Variants in PCDH15 observed in about 807,000 individuals in gnomAD.
PCDH15 encodes the protein protocadherin-15.
PCDH15 carries 129 observed loss-of-function variants against 178.5 expected under a neutral mutation model. The observed-to-expected ratio is 0.72, with a 90% confidence interval of 0.63 to 0.84. The LOEUF (loss-of-function observed/expected upper bound fraction) is 0.84, where lower values mean the gene tolerates loss of function less well. PCDH15 is among the 40% of genes least tolerant of loss of function. PCDH15 has a pLI of 0.00. For missense variants in PCDH15, 2,230 were observed against 2,099.9 expected, an observed-to-expected ratio of 1.06 and a Z score of -1.21; for synonymous variants, 800 against 732.0, an observed-to-expected ratio of 1.09 and a Z score of -1.50.
intron 26 of PCDH15, among the ~76,000 whole-genome samples, chr10:53,899,381 T>C (rs1330785150): frequency 6.6e-6 from 1 of 152,202 alleles, no homozygotes; most frequent in Non-Finnish European, 1.5e-5. Flanking sequence ...GTTTTTATTG[T>C]GTCACTTTAC....
intron 1 of PCDH15, among the ~76,000 whole-genome samples, chr10:55,236,749 T>C (rs1037087760): frequency 6.6e-6 from 1 of 152,016 alleles, no homozygotes; most frequent in Non-Finnish European, 1.5e-5. Context: ...TGGAAAATAT[T>C]AGCTATAAGT....
chr10:53,974,517 T>A, intron 21 of PCDH15, among the ~76,000 whole-genome samples: 1 of 152,152 alleles, frequency 6.6e-6, no homozygotes, highest in Admixed American at 6.5e-5. Context: ...GTCATCATGC[T>A]CATATGTTTT....
intron 2 of PCDH15, among the ~76,000 whole-genome samples, chr10:54,573,791 G>A (rs1487449107): frequency 2.0e-5 from 3 of 152,136 alleles, no homozygotes; most frequent in African/African-American, 7.2e-5. Context: ...GAGGAAAACA[G>A]CGTCCTGTGA....
intron 18 of PCDH15, among the ~76,000 whole-genome samples, chr10:54,039,140 A>G (rs1324665376): frequency 1.3e-5 from 2 of 151,958 alleles, no homozygotes; most frequent in African/African-American, 4.8e-5. Context: ...ATATTTCAGA[A>G]AAACAAAAAA....
rs531007318 is a variant in PCDH15 at position 54,888,349 on chromosome 10, G to A, written c.-29+9101C>T. ...AGCCTGATTATTTTTAGATTTATCC[G>A]TGTGGTTAGGTATATCAATATTTCT... On this transcript the variant is annotated intron_variant, in intron 3 of 5. Transcript: ENST00000458638. 4.6e-5 allele frequency among the ~76,000 whole-genome samples: 7 copies of A among 151,926 alleles called. No individual in the cohort carries two copies. The South Asian group carries it at 6.2e-4, about 14-fold the overall frequency.
intron 29 of PCDH15, among the ~76,000 whole-genome samples, chr10:53,835,524 G>A (rs1255947604): frequency 6.9e-6 from 1 of 145,872 alleles, no homozygotes; most frequent in Non-Finnish European, 1.6e-5. Context: ...AAGTCACAAT[G>A]TGAGCAAAAA....
chr10:54,883,066 T>G (rs929264809), intron 3 of PCDH15, among the ~76,000 whole-genome samples: 2 of 147,746 alleles, frequency 1.4e-5, no homozygotes, highest in Non-Finnish European at 3.0e-5. Flanking sequence ...ATATTTTGTC[T>G]TCCCAAGTTG....
intron 25 of PCDH15, among the ~76,000 whole-genome samples, chr10:53,913,610 G>T: frequency 6.6e-6 from 1 of 151,786 alleles, no homozygotes; most frequent in East Asian, 1.9e-4. Context: ...TGGGCATTGT[G>T]GTGGGCGTCT....
intron 3 of PCDH15, among the ~76,000 whole-genome samples, chr10:54,406,076 T>C (rs1452371173): frequency 6.6e-6 from 1 of 152,068 alleles, no homozygotes; most frequent in East Asian, 1.9e-4. Context: ...AAACAGTTAT[T>C]GTATGGAACA....
intron 15 of PCDH15, among the ~76,000 whole-genome samples, chr10:54,105,030 G>C (rs966862962): frequency 5.3e-5 from 8 of 151,416 alleles, no homozygotes; most frequent in Non-Finnish European, 1.0e-4. Context: ...TTGCATAACT[G>C]TCTAAATAAT....
At chr10:55,155,311 T>A (rs1838852692) in intron 2 of PCDH15, among the ~76,000 whole-genome samples, 1 of 152,048 alleles carries the variant, frequency 6.6e-6, no homozygotes, top group Non-Finnish European at 1.5e-5. Context: ...AATTTTATTA[T>A]TTATATGTTC....
intron 26 of PCDH15, among the ~76,000 whole-genome samples, chr10:53,881,612 C>A (rs967640483): frequency 7.9e-5 from 12 of 151,978 alleles, no homozygotes; most frequent in Non-Finnish European, 1.8e-4. Context: ...AATTATTAGA[C>A]ATACATAATT....
chr10:54,631,267 C>T (rs1306309026), intron 2 of PCDH15, among the ~76,000 whole-genome samples: 1 of 152,162 alleles, frequency 6.6e-6, no homozygotes, highest in South Asian at 2.1e-4. Context: ...TACCTTTCAC[C>T]TGAGGCCTCC....
At position 54,421,822 on chromosome 10, in the gene PCDH15, A is replaced by AG. The variant is rs1554963565; in HGVS notation, c.158-42881_158-42880insC. On this transcript the variant is annotated intron_variant, in intron 3 of 37. Transcript: ENST00000644397. ...AGGTACATGTGTAGTGTGTGTATAT[A>AG]TATATATATATATATACACACACAC... 4.5e-3 allele frequency among the ~76,000 whole-genome samples: 343 copies of AG among 75,462 alleles called. 7 individuals carry two copies. Among genetic ancestry groups the AG allele is most frequent in the African/African-American group, 0.019 (322 of 17,382 alleles). The allele number at this position is 75,462 out of a possible 152,430, so 49.5% of individuals were successfully genotyped here.
intron 26 of PCDH15, among the ~76,000 whole-genome samples, chr10:53,888,703 A>ATATATATATATATATATAT: frequency 4.7e-5 from 1 of 21,082 alleles, no homozygotes; most frequent in Non-Finnish European, 1.3e-4. Context: ...ATATATATAT[A>ATATATATATATATATATAT]TCTCCTGTGG....
intron 18 of PCDH15, among the ~76,000 whole-genome samples, chr10:54,032,883 A>T (rs1911391): frequency 6.6e-6 from 1 of 151,538 alleles, no homozygotes; most frequent in Non-Finnish European, 1.5e-5. Flanking sequence ...GAAGCAGGCA[A>T]CTTCTTTACC....
chr10:54,933,216 TC>T (rs1158155850), intron 2 of PCDH15, among the ~76,000 whole-genome samples: 1 of 152,184 alleles, frequency 6.6e-6, no homozygotes, highest in African/African-American at 2.4e-5. Context: ...GACACATTTC[TC>T]AGACTGTATC....
At chr10:54,454,319 C>A (rs1030248489) in intron 3 of PCDH15, among the ~76,000 whole-genome samples, 5 of 148,922 alleles carry the variant, frequency 3.4e-5, no homozygotes, top group African/African-American at 1.2e-4. Context: ...TAAAGAATTT[C>A]ATTTATAGAT....
rs2088726990 is a variant in PCDH15, at chr10:54,564,631, G to A, written c.92-36754C>T. On this transcript the variant is annotated intron_variant, in intron 2 of 37. Transcript: ENST00000644397. ...TGAATTAGGTGGCAAATTAGAAAAG[G>A]GCTTTTTATTTTTATTGTTTTTTAG... is the stretch of plus-strand genomic sequence containing the variant. 2.6e-5 allele frequency among the ~76,000 whole-genome samples: 4 copies of A among 151,904 alleles called. No individual in the cohort carries two copies. The South Asian group carries it at 6.2e-4, about 24-fold the overall frequency.
Sources: gnomAD v4.1 joint callset for allele counts (sites outside exome capture counted in the v4.1 genomes callset) on GRCh38, gnomAD v4.1.1 for gene constraint, MANE v1.5 for transcripts, NCBI Gene and HGNC (gene_info 2026-07-23, HGNC 2026-07-21) for gene names.